The following TXNRD2 variants were observed in gnomAD, a reference collection of about 807,000 sequenced individuals.
TXNRD2 encodes thioredoxin reductase 2.
A neutral mutation model predicts 70.8 loss-of-function variants in TXNRD2; 67 were observed. The ratio of observed to expected loss-of-function variants is 0.95; its 90% CI spans 0.78 to 1.16. The LOEUF (loss-of-function observed/expected upper bound fraction) is 1.16. Ranked by LOEUF, TXNRD2 falls within the 50% of genes most tolerant of loss-of-function variation. The pLI, the probability that TXNRD2 is intolerant of heterozygous loss-of-function variation, is 0.00. For synonymous variants in TXNRD2, 301 were observed against 295.8 expected (o/e 1.02, Z -0.18); for missense variants, 644 against 719.9 (o/e 0.89, Z 1.21).
intron 3 of TXNRD2, 67 bp from the exon 4 acceptor site, chr22:19,919,071 TAG>T: frequency 6.5e-7 from 1 of 1,537,344 alleles, no homozygotes; most frequent in South Asian, 1.2e-5. Context: ...CCTGTTCTTC[TAG>T]AGTGTTTGGA....
chr22:19,915,759 G>A lies in TXNRD2; in HGVS notation c.528+6C>T, dbSNP rs770138786. On this transcript the variant is annotated splice_donor_region_variant and intron_variant, in intron 6 of 17. Coordinates refer to ENST00000400521, the MANE Select transcript of TXNRD2 (RefSeq NM_006440.5). ...AAGGAGCCACGCGAGTAAGTCAGAT[G>A]CTCACCTCTTTCCCACCTTTGGCAA... 7.4e-6 allele frequency: 12 copies of A among 1,614,104 alleles called. 1 individual carries two copies. The South Asian group carries it at 9.9e-5, about 13-fold the overall frequency.
intron 7 of TXNRD2, 174 bp downstream of exon 7, chr22:19,915,040 C>T (rs1569098251): frequency 1.0e-5 from 7 of 676,926 alleles, no homozygotes; most frequent in South Asian, 3.4e-5. Flanking sequence ...GGGGACCCCA[C>T]ATTTCAGCAG....
In TXNRD2 at chr22:19,895,484, T is replaced by G; in HGVS notation, c.872A>C (p.Gln291Pro). ...GCTGTCCTCCCAGGTGACCTGCAGC[T>G]GGCCATCAGGGAGCCTCCTGACCCG... ...PSRVRRLPDG[Q>P]LQVTWEDSTT... The change falls in exon 11 of 18, where the codon CAG becomes CCG. Residue 291 changes from glutamine to proline, a missense_variant. By Grantham distance (76) the Gln-to-Pro change is moderately conservative. Transcript: ENST00000400521. The G allele has an allele frequency of 6.2e-7, 1 of 1,614,002 alleles. No homozygotes were observed.
rs768999643 is a variant in TXNRD2 at position 19,880,655 on chromosome 22, G to A, written c.1149C>T (p.Phe383=). The change falls in exon 13 of 18, where the codon TTC becomes TTT. Residue 383 remains phenylalanine, a synonymous_variant. Transcript: ENST00000400521. ...MAGRLLVQRL[F]GGSSDLMDYD... ...AGTCCATCAGATCTGAGGACCCGCC[G>A]AAGAGCCGCTGCACCAGGAGCCTCC... 107 of 1,613,314 alleles carry A rather than the reference G, an allele frequency of 6.6e-5. No homozygotes were observed. The highest frequency in any genetic ancestry group is 1.1e-4 in the East Asian group (5 of 44,898).
intron 1 of TXNRD2, chr22:19,932,519 G>A (rs144986667): frequency 6.4e-7 from 1 of 1,560,928 alleles, no homozygotes; most frequent in Non-Finnish European, 8.7e-7. Flanking sequence ...AGGAAGTAGA[G>A]AGGGGAAGTA....
At chr22:19,893,021 C>G (rs1236017942) in intron 11 of TXNRD2, among the ~76,000 whole-genome samples, 2 of 152,250 alleles carry the variant, frequency 1.3e-5, no homozygotes, top group Admixed American at 6.5e-5. Context: ...CCCCGGTCAT[C>G]ACCTCTGCGC....
chr22:19,895,818 G>A (rs1290056436), intron 10 of TXNRD2, among the ~76,000 whole-genome samples: 2 of 152,210 alleles, frequency 1.3e-5, no homozygotes, highest in Non-Finnish European at 2.9e-5. Flanking sequence ...CAGCCTGTGG[G>A]CTCCTCTCTA....
intron 11 of TXNRD2, chr22:19,895,124 G>C (rs748528439): frequency 6.3e-7 from 1 of 1,598,480 alleles, no homozygotes; most frequent in Non-Finnish European, 8.5e-7. Flanking sequence ...ACACCTGGCT[G>C]ATGCCGTCTC....
chr22:19,928,366 T>C (rs1393268546), intron 2 of TXNRD2, among the ~76,000 whole-genome samples: 1 of 152,130 alleles, frequency 6.6e-6, no homozygotes, highest in Non-Finnish European at 1.5e-5. Context: ...GGCACAGCCA[T>C]AAACAGAACA....
intron 1 of TXNRD2, among the ~76,000 whole-genome samples, chr22:19,940,730 C>G (rs1000051672): frequency 6.6e-6 from 1 of 152,148 alleles, no homozygotes; most frequent in Non-Finnish European, 1.5e-5. Context: ...GCCCACCTGA[C>G]GCATGCAGCC....
intron 15 of TXNRD2, 72 bp downstream of exon 15, chr22:19,878,294 G>A: frequency 6.3e-7 from 1 of 1,599,160 alleles, no homozygotes; most frequent in Non-Finnish European, 8.6e-7. Context: ...CCAGTCCTCG[G>A]GTGTTCACCC....
chr22:19,932,117 C>T (rs5993877), intron 1 of TXNRD2, among the ~76,000 whole-genome samples: 3,474 of 147,352 alleles, frequency 0.024, 119 homozygotes, highest in African/African-American at 0.082. Flanking sequence ...GCGGATACCA[C>T]GCCACTGCAC....
intron 8 of TXNRD2, among the ~76,000 whole-genome samples, chr22:19,910,662 A>G (rs56154039): frequency 0.035 from 5,288 of 152,292 alleles, 134 homozygotes; most frequent in South Asian, 0.087. Flanking sequence ...GGCTGAGCGC[A>G]GTGGTGCAAT....
At chr22:19,932,993 A>C (rs1941422222) in intron 1 of TXNRD2, among the ~76,000 whole-genome samples, 1 of 152,152 alleles carries the variant, frequency 6.6e-6, no homozygotes, top group African/African-American at 2.4e-5. Flanking sequence ...TAGAACATGC[A>C]CTCCTAAAGG....
intron 10 of TXNRD2, among the ~76,000 whole-genome samples, chr22:19,897,294 G>A (rs1187249074): frequency 6.6e-6 from 1 of 152,182 alleles, no homozygotes; most frequent in African/African-American, 2.4e-5. Flanking sequence ...GTGAGCTGAG[G>A]GTCGGCCGAG....
At chr22:19,894,955 G>A in intron 11 of TXNRD2, 5 of 1,400,318 alleles carry the variant, frequency 3.6e-6, no homozygotes, top group Non-Finnish European at 4.6e-6. Flanking sequence ...GGGCGACAGA[G>A]CGAGACTCCA....
At chr22:19,889,091 A>T (rs895237904) in intron 11 of TXNRD2, among the ~76,000 whole-genome samples, 6 of 151,850 alleles carry the variant, frequency 4.0e-5, no homozygotes, top group Non-Finnish European at 5.9e-5. Context: ...GCCACCAGGG[A>T]CCCCTAGGCC....
intron 7 of TXNRD2, among the ~76,000 whole-genome samples, chr22:19,913,575 A>G (rs73880007): frequency 0.034 from 5,223 of 152,330 alleles, 128 homozygotes; most frequent in South Asian, 0.086. Flanking sequence ...GGTAACAGTT[A>G]GAGCCAACAA....
At chr22:19,895,262 C>T (rs1939448284) in intron 11 of TXNRD2, 145 bp downstream of exon 11, 1 of 1,594,074 alleles carries the variant, frequency 6.3e-7, no homozygotes, top group Non-Finnish European at 8.5e-7. Context: ...TTCACGGTTG[C>T]TCTCGAGGTG....
Sources: gnomAD v4.1 joint callset for allele counts (sites outside exome capture counted in the v4.1 genomes callset) on GRCh38, gnomAD v4.1.1 for gene constraint, MANE v1.5 for transcripts, NCBI Gene and HGNC (gene_info 2026-07-23, HGNC 2026-07-21) for gene names.